CRB2: variants seen among roughly 807,000 people sequenced by gnomAD.
CRB2 encodes the protein protein crumbs homolog 2.
In CRB2, 85 loss-of-function variants were observed where a neutral mutation model predicts 110.9. The ratio of observed to expected loss-of-function variants is 0.77; its 90% CI spans 0.64 to 0.92. The LOEUF (loss-of-function observed/expected upper bound fraction) is 0.92. CRB2 is among the 40% of genes least tolerant of loss of function. The pLI is 0.00. For missense variants in CRB2, 1,843 were observed against 1,851.3 expected (o/e 1.00, Z 0.08); for synonymous variants, 907 against 831.0 (o/e 1.09, Z -1.57).
chr9:123,378,831 T>TTTTTTA, downstream of CRB2: 2 of 132,008 alleles, frequency 1.5e-5, no homozygotes, highest in African/African-American at 3.0e-5. Flanking sequence ...TTTTTTTTTT[T>TTTTTTA]TGAGATGGAG....
At chr9:123,367,055 C>G (rs1398087289) in intron 4 of CRB2, 117 bp from the exon 5 acceptor site, 1 of 1,066,514 alleles carries the variant, frequency 9.4e-7, no homozygotes, top group Non-Finnish European at 1.3e-6. Flanking sequence ...CCTCCCTCGC[C>G]ATTCGTGGCT....
In CRB2 at chr9:123,370,345, A is replaced by G. The variant is rs755453438; in HGVS notation, c.1292A>G (p.His431Arg). 2 of 1,613,724 alleles carry G rather than the reference A, an allele frequency of 1.2e-6. No homozygotes were observed. The highest frequency in any genetic ancestry group is 2.2e-5 in the East Asian group (1 of 44,878). The change falls in exon 7 of 13, where the codon CAT becomes CGT. Residue 431 changes from histidine to arginine, a missense_variant. By Grantham distance (29) the His-to-Arg change is conservative. Coordinates refer to ENST00000373631, the MANE Select transcript of CRB2 (RefSeq NM_173689.7). ...SYVCHCPPGT[H>R]GPFCGQNTTF... is the part of the protein sequence containing the mutation. ...GTCTGCCACTGCCCACCTGGTACCC[A>G]TGGACCGTTCTGTGGCCAGAATACC...
chr9:123,376,910 CTCCTCCTCCTGGGCCTCCTTT>C lies in CRB2; in HGVS notation c.3707_3727del (p.Leu1236_Ser1243delinsPro). The stretch of plus-strand genomic sequence containing the variant: ...ACCTGCAGCCTGTGCCTGCCTCCTC[CTCCTCCTCCTGGGCCTCCTTT>C]CAGGGATCCTGGCAGCCCGAAAGCG... On this transcript the variant is annotated inframe_deletion, in exon 13 of 13. Transcript: ENST00000373631. 2 of 1,608,980 alleles carry C rather than the reference CTCCTCCTCCTGGGCCTCCTTT, an allele frequency of 1.2e-6. No homozygotes were observed. Among genetic ancestry groups the C allele is most frequent in the Non-Finnish European group, 1.7e-6 (2 of 1,178,776 alleles).
chr9:123,379,010 A>G (rs529970488), downstream of CRB2, among the ~76,000 whole-genome samples: 1 of 150,942 alleles, frequency 6.6e-6, no homozygotes, highest in African/African-American at 2.4e-5. Context: ...GCTGGTCTTG[A>G]ACTCCTGACC....
Position 123,371,354 on chromosome 9 carries a change from C to A in CRB2, c.2212C>A (p.Leu738Met). 1 of 1,604,122 alleles carries A rather than the reference C, an allele frequency of 6.2e-7. No individual in the cohort carries two copies. The highest frequency in any genetic ancestry group is 1.1e-5 in the South Asian group (1 of 89,326). The change falls in exon 8 of 13, where the codon CTG becomes ATG. Residue 738 changes from leucine (L) to methionine (M), a missense_variant. Leu to Met is a conservative substitution (Grantham distance 15). Coordinates refer to ENST00000373631, the MANE Select transcript of CRB2 (RefSeq NM_173689.7). The stretch of plus-strand genomic sequence containing the variant: ...GATGCTCAGCTTCGGGCCTGACCAG[C>A]TGCAGGACCTGGGGCAGCACGTGCA... ...LVMLSFGPDQ[L>M]QDLGQHVHVG...
At chr9:123,370,047 G>A in intron 6 of CRB2, 61 bp from the exon 7 acceptor site, 3 of 1,518,846 alleles carry the variant, frequency 2.0e-6, no homozygotes, top group Non-Finnish European at 2.6e-6. Flanking sequence ...TGTAAGTTCT[G>A]GGTCAGTACT....
chr9:123,368,694 G>A, intron 6 of CRB2: 1 of 917,496 alleles, frequency 1.1e-6, no homozygotes, highest in Non-Finnish European at 1.3e-6. Flanking sequence ...GCCAGGGAGG[G>A]GGGACCCCAG....
chr9:123,361,136 G>A (rs1335489125), intron 1 of CRB2, among the ~76,000 whole-genome samples: 1 of 123,350 alleles, frequency 8.1e-6, no homozygotes, highest in Non-Finnish European at 1.8e-5. Flanking sequence ...GATGGGCGGG[G>A]AGGGGGGGGG....
intron 12 of CRB2, among the ~76,000 whole-genome samples, chr9:123,376,612 A>G (rs2042106846): frequency 6.6e-6 from 1 of 152,170 alleles, no homozygotes; most frequent in South Asian, 2.1e-4. Context: ...CCTTCTAGCC[A>G]GAACTCCTTT....
In CRB2 at chr9:123,366,208, G is replaced by C. The variant is rs762028415; in HGVS notation, c.615-19G>C. On this transcript the variant is annotated intron_variant, in intron 3 of 12. Coordinates refer to ENST00000373631, the MANE Select transcript of CRB2 (RefSeq NM_173689.7). ...AAGGGGCAGGCGCGCGCTCAGCTCC[G>C]CCGGTGCGCCCTCCCCAGGTTCCGG... 2.8e-6 allele frequency: 4 copies of C among 1,409,414 alleles called. No homozygotes were observed. The highest frequency in any genetic ancestry group is 2.7e-6 in the Non-Finnish European group (3 of 1,091,896). 87.3% of individuals were successfully genotyped at this position (1,409,414 alleles called of 1,614,324 possible).
upstream of CRB2, among the ~76,000 whole-genome samples, chr9:123,355,255 G>T (rs1462270077): frequency 4.6e-5 from 7 of 152,208 alleles, no homozygotes; most frequent in African/African-American, 1.7e-4. Flanking sequence ...CAGCTGGAGA[G>T]CAAGCAAACA....
At chr9:123,379,565 C>CT (rs1170727097), downstream of CRB2, 4 of 152,326 alleles carry the variant, frequency 2.6e-5, no homozygotes, top group East Asian at 7.7e-4. Flanking sequence ...CGCCTGGCCC[C>CT]TGCCTCTACA....
chr9:123,371,512 C>G lies in CRB2; in HGVS notation c.2370C>G (p.Pro790=). 6.2e-7 allele frequency: 1 copy of G among 1,613,252 alleles called. No individual in the cohort carries two copies. The highest frequency in any genetic ancestry group is 8.5e-7 in the Non-Finnish European group (1 of 1,180,040). ...FPLPLDNSSQ[P]SELGGRQSWN... Reference sequence around the variant, plus strand: ...TGCCACTGGATAACTCAAGCCAGCCCAGCGAGCTCGGCGGCAGGCAGTCCT... The same window carrying G: ...TGCCACTGGATAACTCAAGCCAGCCGAGCGAGCTCGGCGGCAGGCAGTCCT... Residue 790 remains proline, a synonymous_variant, in exon 8 of 13, where the codon CCC becomes CCG. Coordinates refer to ENST00000373631, the MANE Select transcript of CRB2 (RefSeq NM_173689.7).
At chr9:123,375,865 T>C (rs2130785600) in intron 12 of CRB2, among the ~76,000 whole-genome samples, 1 of 151,930 alleles carries the variant, frequency 6.6e-6, no homozygotes, top group East Asian at 1.9e-4. Context: ...CAGCAGGCGC[T>C]GGAGCTGTGA....
rs752640485 is a variant in CRB2 at position 123,372,168 on chromosome 9, C to T, written c.2437-9C>T. 20 of 1,613,896 alleles carry T rather than the reference C, an allele frequency of 1.2e-5. No individual in the cohort carries two copies. The highest frequency in any genetic ancestry group is 1.4e-5 in the Non-Finnish European group (16 of 1,179,956). The stretch of plus-strand genomic sequence containing the variant: ...TCCTGAGCCAACCCCTGCCCTGCCT[C>T]TCCCACAGCCTGACCCCTGTTTCAA... On this transcript the variant is annotated splice_polypyrimidine_tract_variant and intron_variant, in intron 8 of 12. Coordinates refer to ENST00000373631, the MANE Select transcript of CRB2 (RefSeq NM_173689.7).
At chr9:123,368,302 C>T (rs1564372720) in intron 6 of CRB2, among the ~76,000 whole-genome samples, 1 of 152,136 alleles carries the variant, frequency 6.6e-6, no homozygotes, top group South Asian at 2.1e-4. Flanking sequence ...GTGGTCACCT[C>T]TTCCCCTCTC....
chr9:123,373,821 CCT>C lies in CRB2; in HGVS notation c.3291_3292del (p.Cys1098SerfsTer53), dbSNP rs1064793849. 1.3e-5 allele frequency: 21 copies of C among 1,581,720 alleles called. No individual in the cohort carries two copies. Among genetic ancestry groups the C allele is most frequent in the East Asian group, 4.6e-5 (2 of 43,610 alleles). ...CCGCGCTGCGAAGCCCACGTCGACC[CCT>C]GTCACTCCGCCCCCTGCGCCCGTGG... On this transcript the variant is annotated frameshift_variant, in exon 10 of 13. Transcript: ENST00000373631. LOFTEE classifies it high-confidence loss of function.
chr9:123,363,145 C>G lies in CRB2; in HGVS notation c.375C>G (p.Asn125Lys). 1.2e-6 allele frequency: 2 copies of G among 1,610,918 alleles called. No individual in the cohort carries two copies. Residue 125 changes from asparagine to lysine, a missense_variant, in exon 2 of 13, where the codon AAC becomes AAG. Physicochemically the swap from Asn to Lys is moderately conservative, Grantham distance 94. Coordinates refer to ENST00000373631, the MANE Select transcript of CRB2 (RefSeq NM_173689.7). The stretch of plus-strand genomic sequence containing the variant: ...GCCACCATGGGGCCACCTGCCGCAA[C>G]CTGGCCGATCGCTACGAGTGCCATT... ...RPCHHGATCR[N>K]LADRYECHCP...
chr9:123,355,148 A>C (rs2041784052), upstream of CRB2, among the ~76,000 whole-genome samples: 1 of 152,186 alleles, frequency 6.6e-6, no homozygotes, highest in Admixed American at 6.5e-5. Context: ...TGGTAGAAGA[A>C]AGGAATGTTG....
Sources: gnomAD v4.1 joint callset for allele counts (sites outside exome capture counted in the v4.1 genomes callset) on GRCh38, gnomAD v4.1.1 for gene constraint, MANE v1.5 for transcripts, NCBI Gene and HGNC (gene_info 2026-07-23, HGNC 2026-07-21) for gene names.